Variants in TCF12 observed in about 807,000 individuals in gnomAD.
TCF12 encodes transcription factor 12, also known as DNA-binding protein HTF4.
TCF12 carries 45 observed loss-of-function variants against 86.0 expected under a neutral mutation model. The ratio of observed to expected loss-of-function variants is 0.52; its 90% CI spans 0.41 to 0.67. TCF12 has a LOEUF of 0.67. Ranked by LOEUF, TCF12 falls within the 30% of genes least tolerant of loss-of-function variation. The probability of loss-of-function intolerance (pLI) is 0.00; values close to 1 mark genes in which losing one functional copy is unlikely to be tolerated. For missense variants in TCF12, 881 were observed against 859.9 expected, an observed-to-expected ratio of 1.02 and a Z score of -0.31; for synonymous variants, 330 against 299.6, an observed-to-expected ratio of 1.10 and a Z score of -1.05.
intron 13 of TCF12, among the ~76,000 whole-genome samples, chr15:57,250,701 C>G (rs1263725026): frequency 1.3e-5 from 2 of 151,398 alleles, no homozygotes; most frequent in Non-Finnish European, 2.9e-5. Flanking sequence ...TGCACTCCAG[C>G]CCAGGTAACA....
At chr15:57,049,342 C>T (rs770886785) in intron 3 of TCF12, among the ~76,000 whole-genome samples, 29 of 152,196 alleles carry the variant, frequency 1.9e-4, no homozygotes, top group Non-Finnish European at 1.0e-4. Flanking sequence ...TACCCAGCAG[C>T]ACTCCAGAAA....
chr15:56,944,466 G>T (rs550484401), intron 3 of TCF12, among the ~76,000 whole-genome samples: 26 of 152,284 alleles, frequency 1.7e-4, no homozygotes, highest in African/African-American at 6.3e-4. Flanking sequence ...TTACCAAGCT[G>T]CTAAGACAAG....
At position 57,056,604 on chromosome 15, in the gene TCF12, A is replaced by G. The variant is rs536355538; in HGVS notation, c.149-7146A>G. ...CCTCCCACGTAGCTGGGACTACAGGAGCACACTGCCGTGCCTGGCTAATTT... is the reference window on the plus strand; with the variant it reads ...CCTCCCACGTAGCTGGGACTACAGGGGCACACTGCCGTGCCTGGCTAATTT... On this transcript the variant is annotated intron_variant, in intron 3 of 20. Coordinates refer to ENST00000333725, the MANE Select transcript of TCF12 (RefSeq NM_207037.2). Among the ~76,000 whole-genome samples, 52 of 152,162 alleles carry G rather than the reference A, an allele frequency of 3.4e-4. 1 individual carries two copies. In the East Asian group the frequency reaches 7.7e-3, roughly 23 times the overall value.
At chr15:57,232,223 A>T in intron 9 of TCF12, 68 bp from the exon 10 acceptor site, 2 of 1,582,856 alleles carry the variant, frequency 1.3e-6, no homozygotes, top group Non-Finnish European at 1.7e-6. Flanking sequence ...TTGAATTTTT[A>T]TAAGCAACAT....
chr15:57,246,357 G>T (rs554857258), intron 13 of TCF12, among the ~76,000 whole-genome samples: 3 of 152,280 alleles, frequency 2.0e-5, no homozygotes, highest in Admixed American at 6.5e-5. Flanking sequence ...CTGAGATATT[G>T]TATCAGTTAG....
chr15:57,097,299 A>G (rs1488405092), intron 5 of TCF12, among the ~76,000 whole-genome samples: 4 of 152,000 alleles, frequency 2.6e-5, no homozygotes, highest in Admixed American at 6.6e-5. Flanking sequence ...TTTGGGAGGT[A>G]GGAGGATTGC....
chr15:56,957,789 A>G (rs745729446), intron 3 of TCF12, among the ~76,000 whole-genome samples: 3 of 151,882 alleles, frequency 2.0e-5, no homozygotes, highest in Non-Finnish European at 2.9e-5. Flanking sequence ...AGTGCCGTAT[A>G]TTTTTTATTT....
intron 15 of TCF12, among the ~76,000 whole-genome samples, chr15:57,252,784 A>G (rs1566990018): frequency 6.6e-6 from 1 of 152,184 alleles, no homozygotes; most frequent in Non-Finnish European, 1.5e-5. Flanking sequence ...AGTTTTGTCA[A>G]AGAACATATC....
intron 8 of TCF12, among the ~76,000 whole-genome samples, chr15:57,200,421 T>G (rs2057483004): frequency 6.6e-6 from 1 of 152,172 alleles, no homozygotes; most frequent in Non-Finnish European, 1.5e-5. Flanking sequence ...ACTTTTGACA[T>G]GCAAACTATA....
chr15:56,941,705 G>A (rs2140359216), intron 3 of TCF12, among the ~76,000 whole-genome samples: 1 of 150,326 alleles, frequency 6.7e-6, no homozygotes, highest in Admixed American at 6.6e-5. Context: ...TTTTTATTAG[G>A]AATTGAGTTG....
intron 3 of TCF12, among the ~76,000 whole-genome samples, chr15:56,970,993 G>A (rs2585080): frequency 0.017 from 2,638 of 152,268 alleles, 57 homozygotes; most frequent in African/African-American, 0.048. Context: ...GGTTGAGGCT[G>A]TAGTGTTTGT....
chr15:57,088,371 T>A (rs2048781766), intron 4 of TCF12, among the ~76,000 whole-genome samples: 1 of 152,222 alleles, frequency 6.6e-6, no homozygotes, highest in Non-Finnish European at 1.5e-5. Context: ...AAGTTTAAAC[T>A]CCTAGTCAAC....
intron 3 of TCF12, among the ~76,000 whole-genome samples, chr15:57,049,734 G>A (rs1270381175): frequency 1.3e-5 from 2 of 152,140 alleles, no homozygotes; most frequent in South Asian, 2.1e-4. Context: ...GAATTTCTAG[G>A]TCAGAGTTGA....
chr15:57,144,595 G>A (rs1387191419), intron 5 of TCF12, among the ~76,000 whole-genome samples: 2 of 152,016 alleles, frequency 1.3e-5, no homozygotes. Flanking sequence ...ACGTAACTTC[G>A]TTTGTTTTTC....
chr15:56,963,550 G>A (rs1162320804), intron 3 of TCF12, among the ~76,000 whole-genome samples: 1 of 152,068 alleles, frequency 6.6e-6, no homozygotes, highest in Non-Finnish European at 1.5e-5. Flanking sequence ...TATTTTTTAG[G>A]AAGAGTGTTT....
chr15:57,092,496 T>C (rs1320832610), intron 5 of TCF12, among the ~76,000 whole-genome samples: 2 of 152,200 alleles, frequency 1.3e-5, no homozygotes, highest in Non-Finnish European at 2.9e-5. Context: ...TTAATCATGC[T>C]CTGCAAAACA....
intron 3 of TCF12, among the ~76,000 whole-genome samples, chr15:57,042,679 G>T (rs1264794810): frequency 3.9e-5 from 6 of 152,106 alleles, no homozygotes; most frequent in African/African-American, 1.4e-4. Flanking sequence ...CTCCCAAAGT[G>T]CTGGGATTAC....
chr15:56,997,214 G>T (rs1309463632), intron 3 of TCF12, among the ~76,000 whole-genome samples: 1 of 152,188 alleles, frequency 6.6e-6, no homozygotes, highest in Non-Finnish European at 1.5e-5. Flanking sequence ...CAAAGACATG[G>T]AATCAACACA....
At chr15:57,045,446 G>C (rs1276035891) in intron 3 of TCF12, among the ~76,000 whole-genome samples, 1 of 152,174 alleles carries the variant, frequency 6.6e-6, no homozygotes, top group African/African-American at 2.4e-5. Context: ...AGTGGGATCA[G>C]GATTGTGTCA....
Sources: allele counts gnomAD v4.1 joint callset (sites outside exome capture counted in the v4.1 genomes callset), GRCh38; gene constraint gnomAD v4.1.1; transcripts MANE v1.5; gene names NCBI Gene and HGNC (gene_info 2026-07-23, HGNC 2026-07-21).